Variants in KLF12 observed in about 807,000 individuals in gnomAD.
The protein encoded by KLF12 is KLF transcription factor 12.
Under a neutral mutation model 37.8 loss-of-function variants are expected in KLF12, and 9 were observed. The observed-to-expected ratio is 0.24, with a 90% confidence interval of 0.14 to 0.42. The LOEUF (loss-of-function observed/expected upper bound fraction) is 0.42. Ranked by LOEUF, KLF12 falls within the 10% of genes least tolerant of loss-of-function variation. KLF12 has a pLI of 1.00. For missense variants in KLF12, 411 were observed against 516.0 expected (o/e 0.80, Z 1.97); for synonymous variants, 208 against 202.1 (o/e 1.03, Z -0.25).
At chr13:74,063,478 C>A (rs1873732892) in intron 1 of KLF12, among the ~76,000 whole-genome samples, 1 of 152,114 alleles carries the variant, frequency 6.6e-6, no homozygotes, top group African/African-American at 2.4e-5. Flanking sequence ...ATCTTAGGGC[C>A]AAATATCTTC....
chr13:73,877,851 G>A (rs1440180564), intron 3 of KLF12, among the ~76,000 whole-genome samples: 1 of 152,076 alleles, frequency 6.6e-6, no homozygotes, highest in East Asian at 1.9e-4. Flanking sequence ...TCAGCCTCAA[G>A]CCTGGAAACT....
chr13:73,722,903 C>A (rs187933796), intron 6 of KLF12, among the ~76,000 whole-genome samples: 28 of 152,116 alleles, frequency 1.8e-4, no homozygotes, highest in African/African-American at 6.7e-4. Context: ...TTTTGGGCGC[C>A]CAAGGGGTGC....
intron 1 of KLF12, among the ~76,000 whole-genome samples, chr13:74,068,838 T>C (rs1332320227): frequency 6.6e-6 from 1 of 152,212 alleles, no homozygotes; most frequent in Non-Finnish European, 1.5e-5. Context: ...ATTACAGGCA[T>C]GAGCCACTGC....
At chr13:74,180,565 A>G in the KLF12 span, among the ~76,000 whole-genome samples, 2 of 152,226 alleles carry the variant, frequency 1.3e-5, no homozygotes, top group Admixed American at 1.3e-4. Flanking sequence ...TGAAACACAG[A>G]TGGGTGATGT....
chr13:74,007,483 G>A (rs576232567), intron 1 of KLF12, among the ~76,000 whole-genome samples: 10 of 151,582 alleles, frequency 6.6e-5, no homozygotes, highest in East Asian at 1.9e-4. Context: ...CACCGTGTTC[G>A]CCAGGATGGT....
the KLF12 span, among the ~76,000 whole-genome samples, chr13:74,164,709 T>C: frequency 6.6e-6 from 1 of 152,220 alleles, no homozygotes; most frequent in African/African-American, 2.4e-5. Context: ...ACCTGTAATA[T>C]GCCTGGAAGC....
At chr13:73,857,905 T>C (rs953112090) in intron 3 of KLF12, among the ~76,000 whole-genome samples, 2 of 152,174 alleles carry the variant, frequency 1.3e-5, no homozygotes, top group Non-Finnish European at 1.5e-5. Flanking sequence ...GCAGGGAAAC[T>C]TTTTGTATAA....
chr13:74,042,671 C>G (rs1420214861), intron 1 of KLF12, among the ~76,000 whole-genome samples: 1 of 152,032 alleles, frequency 6.6e-6, no homozygotes, highest in Admixed American at 6.5e-5. Context: ...TAAGACAGAT[C>G]CGATAAGTAT....
chr13:73,723,293 C>T (rs933280861), intron 6 of KLF12, among the ~76,000 whole-genome samples: 5 of 152,046 alleles, frequency 3.3e-5, no homozygotes, highest in African/African-American at 1.2e-4. Flanking sequence ...GACTTTATCC[C>T]ATGAGATCAA....
At chr13:73,796,613 T>C (rs1881989220) in intron 5 of KLF12, among the ~76,000 whole-genome samples, 1 of 151,886 alleles carries the variant, frequency 6.6e-6, no homozygotes, top group Non-Finnish European at 1.5e-5. Context: ...GGGTCCTTGA[T>C]ATCTGTTCCT....
At chr13:74,000,601 AATTT>A (rs1892253461) in intron 1 of KLF12, among the ~76,000 whole-genome samples, 3 of 152,210 alleles carry the variant, frequency 2.0e-5, no homozygotes, top group African/African-American at 7.2e-5. Context: ...CAGAAAGTAA[AATTT>A]AATAATTAAA....
intron 2 of KLF12, among the ~76,000 whole-genome samples, chr13:73,958,212 G>A (rs1417545524): frequency 6.6e-6 from 1 of 151,834 alleles, no homozygotes; most frequent in Non-Finnish European, 1.5e-5. Context: ...ATGTTGAATG[G>A]TATTTTGATT....
At chr13:74,170,196 A>G in the KLF12 span, among the ~76,000 whole-genome samples, 4 of 152,256 alleles carry the variant, frequency 2.6e-5, no homozygotes, top group East Asian at 3.8e-4. Context: ...AGTACATTAT[A>G]GAAAGCATAG....
At chr13:73,917,683 C>T (rs1888911395) in intron 3 of KLF12, among the ~76,000 whole-genome samples, 1 of 152,172 alleles carries the variant, frequency 6.6e-6, no homozygotes, top group Non-Finnish European at 1.5e-5. Flanking sequence ...ACATGAAATA[C>T]TAAATCTGGC....
At chr13:74,108,693 ATAAAG>A (rs548939848) in intron 1 of KLF12, among the ~76,000 whole-genome samples, 307 of 152,350 alleles carry the variant, frequency 2.0e-3, no homozygotes, top group Middle Eastern at 6.8e-3. Context: ...TATTCTTATA[ATAAAG>A]TAAACTAGAG....
At chr13:74,265,444 C>T in the KLF12 span, among the ~76,000 whole-genome samples, 858 of 152,208 alleles carry the variant, frequency 5.6e-3, 5 homozygotes, top group African/African-American at 0.019. Context: ...GGATGAAGCT[C>T]ACCAAAGGAA....
At chr13:73,890,734 G>T (rs2139017434) in intron 3 of KLF12, among the ~76,000 whole-genome samples, 1 of 151,648 alleles carries the variant, frequency 6.6e-6, no homozygotes, top group South Asian at 2.1e-4. Flanking sequence ...AAAAATAAAA[G>T]ATTCCAGTCA....
chr13:73,815,200 A>C (rs1361301121), intron 4 of KLF12, among the ~76,000 whole-genome samples: 1 of 152,202 alleles, frequency 6.6e-6, no homozygotes, highest in Non-Finnish European at 1.5e-5. Context: ...GAGGAGATCC[A>C]CTAGAAGAGG....
At chr13:73,742,732 C>T (rs563201116) in intron 6 of KLF12, among the ~76,000 whole-genome samples, 1 of 152,226 alleles carries the variant, frequency 6.6e-6, no homozygotes, top group East Asian at 1.9e-4. Flanking sequence ...TTAAGTTTGA[C>T]CTTCTCTTTA....
Sources: allele counts gnomAD v4.1 joint callset (sites outside exome capture counted in the v4.1 genomes callset), GRCh38; gene constraint gnomAD v4.1.1; transcripts MANE v1.5; gene names NCBI Gene and HGNC (gene_info 2026-07-23, HGNC 2026-07-21).